MRPL43: variants seen among roughly 807,000 people sequenced by gnomAD.
MRPL43 encodes mitochondrial ribosomal protein L43.
In MRPL43, 9 loss-of-function variants were observed where a neutral mutation model predicts 12.7. The observed-to-expected ratio is 0.71, with a 90% CI of 0.43 to 1.24. The LOEUF is 1.24. MRPL43 is among the 50% of genes most tolerant of loss of function. The pLI, the probability that MRPL43 is intolerant of heterozygous loss-of-function variation, is 0.00. For missense variants in MRPL43, 211 were observed against 229.2 expected (o/e 0.92, Z 0.51); for synonymous variants, 116 against 96.4 (o/e 1.20, Z -1.19).
downstream of MRPL43, chr10:100,978,130 T>C: frequency 4.9e-6 from 3 of 607,928 alleles, no homozygotes; most frequent in Non-Finnish European, 8.8e-6. Context: ...TTTGAGGCCA[T>C]AAGGTCATTC....
At position 100,986,438 on chromosome 10, in the gene MRPL43, G is replaced by C; in HGVS notation, c.*296C>G. 1 of 1,519,170 alleles carries C rather than the reference G, an allele frequency of 6.6e-7. No individual in the cohort carries two copies. The highest frequency in any genetic ancestry group is 1.3e-5 in the South Asian group (1 of 78,816). The allele number at this position is 1,519,170 out of a possible 1,614,324, so 94.1% of individuals were successfully genotyped here. ...CTTCAGACCTCTCACTGTGTTTTGA[G>C]ATCATTATTATCAATTTGGATTTAA... On this transcript the variant is annotated 3_prime_UTR_variant, in exon 3 of 3. Transcript: ENST00000318364.
chr10:100,979,203 C>G, downstream of MRPL43: 3 of 1,614,216 alleles, frequency 1.9e-6, no homozygotes, highest in East Asian at 2.2e-5. Context: ...TGCGTGGGGT[C>G]TGCAGCCTGG....
Position 100,986,477 on chromosome 10 carries a change from T to C in MRPL43, c.*257A>G. On this transcript the variant is annotated 3_prime_UTR_variant, in exon 3 of 3. Coordinates refer to ENST00000318364, the MANE Select transcript of MRPL43 (RefSeq NM_032112.3). ...ATTTGGATTTAAAAAACAAGGGCCC[T>C]GTAAAACCCTTGAAGTCTTCCTCAT... 1 of 1,542,728 alleles carries C rather than the reference T, an allele frequency of 6.5e-7. No individual in the cohort carries two copies. Among genetic ancestry groups the C allele is most frequent in the South Asian group, 1.2e-5 (1 of 82,566 alleles).
Position 100,987,488 on chromosome 10 carries a change from G to A in MRPL43, c.-45C>T, listed in dbSNP as rs1183562601. 2 of 1,600,572 alleles carry A rather than the reference G, an allele frequency of 1.2e-6. No individual in the cohort carries two copies. The highest frequency in any genetic ancestry group is 1.7e-6 in the Non-Finnish European group (2 of 1,174,138). On this transcript the variant is annotated 5_prime_UTR_variant, in exon 1 of 3. Transcript: ENST00000318364. ...CGGAGCCTAAGCAGCGAGGAGAGGG[G>A]GGCGGGACTAAACCTCGAGGCTTCC... is the stretch of plus-strand genomic sequence containing the variant.
downstream of MRPL43, chr10:100,984,820 C>T (rs1851349496): frequency 1.3e-6 from 2 of 1,527,078 alleles, no homozygotes. Context: ...CTGCATCACT[C>T]CCCTCCTCTC....
downstream of MRPL43, chr10:100,979,955 G>A (rs199677082): frequency 9.7e-5 from 156 of 1,613,990 alleles, no homozygotes; most frequent in Middle Eastern, 9.9e-4. Context: ...CGCTGGGGTC[G>A]CTATGAGGGT....
chr10:100,978,394 C>CGCCT (rs1564794966), downstream of MRPL43: 1 of 1,611,396 alleles, frequency 6.2e-7, no homozygotes, highest in East Asian at 2.2e-5. Context: ...CATTGGTGAG[C>CGCCT]AGGCCTTCTT....
downstream of MRPL43, chr10:100,984,571 A>C (rs1851328377): frequency 6.5e-7 from 1 of 1,536,192 alleles, no homozygotes; most frequent in South Asian, 1.2e-5. Flanking sequence ...GAAACCAGAC[A>C]AGACCTCTGC....
At chr10:100,981,523 A>T, downstream of MRPL43, 1 of 1,614,176 alleles carries the variant, frequency 6.2e-7, no homozygotes, top group South Asian at 1.1e-5. Context: ...CCCAAGGAAG[A>T]TCGGATGACT....
Position 100,987,416 on chromosome 10 carries a change from A to G in MRPL43, c.28T>C (p.Phe10Leu), listed in dbSNP as rs1294828350. 1 of 1,612,378 alleles carries G rather than the reference A, an allele frequency of 6.2e-7. No homozygotes were observed. Among genetic ancestry groups the G allele is most frequent in the African/African-American group, 1.3e-5 (1 of 75,064 alleles). Residue 10 changes from phenylalanine (F) to leucine (L), a missense_variant, in exon 1 of 3, where the codon TTC (phenylalanine) becomes CTC (leucine). Coordinates refer to ENST00000318364, the MANE Select transcript of MRPL43 (RefSeq NM_032112.3). ...CCGTTGTGGAGAACGCTGGCCAAGA[A>G]GCGGCTCGGAGTCCCGCGCGCCGTC... MTARGTPSR[F>L]LASVLHNGLG... is the part of the protein sequence containing the mutation.
Position 100,986,681 on chromosome 10 carries a change from C to T in MRPL43, c.*53G>A. ...TGGAATCCCAAAGGGGAAGAACCAC[C>T]TTTACCGGAGTAACAGTCCAAAGCC... is the stretch of plus-strand genomic sequence containing the variant. On this transcript the variant is annotated 3_prime_UTR_variant, in exon 3 of 3. Coordinates refer to ENST00000318364, the MANE Select transcript of MRPL43 (RefSeq NM_032112.3). 5 of 1,613,894 alleles carry T rather than the reference C, an allele frequency of 3.1e-6. No homozygotes were observed. Among genetic ancestry groups the T allele is most frequent in the Non-Finnish European group, 4.2e-6 (5 of 1,179,898 alleles).
chr10:100,982,062 CAAA>C (rs34646595), downstream of MRPL43, among the ~76,000 whole-genome samples: 2 of 126,842 alleles, frequency 1.6e-5, no homozygotes, highest in Non-Finnish European at 1.6e-5. Context: ...CATCTCATCT[CAAA>C]AAAAAAAAAA....
downstream of MRPL43, chr10:100,980,869 C>A (rs200695967): frequency 2.5e-6 from 4 of 1,608,708 alleles, no homozygotes; most frequent in Non-Finnish European, 3.4e-6. Flanking sequence ...AGCTACCACT[C>A]TCCAGCTGCT....
downstream of MRPL43, chr10:100,984,676 ATTC>A (rs1851337943): frequency 1.3e-6 from 2 of 1,536,208 alleles, no homozygotes; most frequent in South Asian, 1.2e-5. Context: ...CTCCTGGTGC[ATTC>A]TTGTTTCATC....
downstream of MRPL43, chr10:100,983,497 G>T: frequency 1.2e-6 from 2 of 1,614,184 alleles, no homozygotes; most frequent in Non-Finnish European, 1.7e-6. Context: ...GAGCACAGTG[G>T]CAACTATGGC....
Position 100,986,782 on chromosome 10 carries a change from G to A in MRPL43, c.432C>T (p.Arg144=), listed in dbSNP as rs534888159. The change falls in exon 3 of 3, where the codon CGC becomes CGT. Residue 144 remains arginine, a synonymous_variant. Coordinates refer to ENST00000318364, the MANE Select transcript of MRPL43 (RefSeq NM_032112.3). Reference sequence around the variant, plus strand: ...GGGCAGGATCCTGAACCTCTCGGGGGCGTAGCCCGCGGAACGTGGTCGGCT... The same window carrying A: ...GGGCAGGATCCTGAACCTCTCGGGGACGTAGCCCGCGGAACGTGGTCGGCT... The part of the protein sequence containing the change: ...TNKPTTFRGL[R]PREVQDPAPA... 28 of 1,613,844 alleles carry A rather than the reference G, an allele frequency of 1.7e-5. No homozygotes were observed. The South Asian group carries it at 2.6e-4, about 15-fold the overall frequency.
downstream of MRPL43, chr10:100,980,131 G>C (rs1850994061): frequency 6.2e-7 from 1 of 1,614,214 alleles, no homozygotes; most frequent in Non-Finnish European, 8.5e-7. Flanking sequence ...GTGTATCACA[G>C]ATTCATTGCG....
chr10:100,981,214 A>G (rs1231622802), downstream of MRPL43: 1 of 1,614,228 alleles, frequency 6.2e-7, no homozygotes, highest in Admixed American at 1.7e-5. Flanking sequence ...AGGCTGTGAG[A>G]GCAGCAGGGA....
chr10:100,984,106 A>T, downstream of MRPL43: 3 of 1,612,618 alleles, frequency 1.9e-6, no homozygotes, highest in Non-Finnish European at 2.5e-6. Flanking sequence ...CAGCTCGTGG[A>T]GCAGCTAGAT....
Sources: gnomAD v4.1 joint callset for allele counts (sites outside exome capture counted in the v4.1 genomes callset) on GRCh38, gnomAD v4.1.1 for gene constraint, MANE v1.5 for transcripts, NCBI Gene and HGNC (gene_info 2026-07-23, HGNC 2026-07-21) for gene names.